The following PTPRD variants were observed in gnomAD, a reference collection of about 807,000 sequenced individuals.
PTPRD encodes the protein receptor-type tyrosine-protein phosphatase delta.
Under a neutral mutation model 214.5 loss-of-function variants are expected in PTPRD, and 34 were observed. The ratio of observed to expected loss-of-function variants is 0.16; its 90% confidence interval spans 0.12 to 0.21. The LOEUF is 0.21. Ranked by LOEUF, PTPRD falls within the 10% of genes least tolerant of loss-of-function variation. The pLI, the probability that PTPRD is intolerant of heterozygous loss-of-function variation, is 1.00. For missense variants in PTPRD, 2,545 were observed against 2,398.7 expected, an observed-to-expected ratio of 1.06 and a Z score of -1.27; for synonymous variants, 1,128 against 845.7, an observed-to-expected ratio of 1.33 and a Z score of -5.79.
At chr9:9,340,819 A>G (rs2046495630) in intron 9 of PTPRD, among the ~76,000 whole-genome samples, 1 of 152,220 alleles carries the variant, frequency 6.6e-6, no homozygotes, top group Non-Finnish European at 1.5e-5. Context: ...ATTGACAAAT[A>G]AATGATTTTT....
chr9:9,907,353 T>C (rs911297332), intron 5 of PTPRD, among the ~76,000 whole-genome samples: 3 of 151,892 alleles, frequency 2.0e-5, no homozygotes, highest in African/African-American at 7.2e-5. Flanking sequence ...ACAGACTGGG[T>C]GGCTGAAGCA....
Position 9,645,122 on chromosome 9 carries a change from G to A in PTPRD, c.-286-70341C>T, listed in dbSNP as rs537146523. Among the ~76,000 whole-genome samples, 27 of 152,270 alleles carry A rather than the reference G, an allele frequency of 1.8e-4. No individual in the cohort carries two copies. The Middle Eastern group carries it at 0.017, about 96-fold the overall frequency. The stretch of plus-strand genomic sequence containing the variant: ...TGCCATGGGGCCAGAGCCCAAAAGC[G>A]CTCTCCCTGGCTCCTGCACCTGCTC... On this transcript the variant is annotated intron_variant, in intron 7 of 45. Transcript: ENST00000381196.
intron 44 of PTPRD, among the ~76,000 whole-genome samples, chr9:8,326,657 T>C (rs561684850): frequency 5.3e-5 from 8 of 151,296 alleles, no homozygotes; most frequent in African/African-American, 2.0e-4. Flanking sequence ...CCAATTCCTC[T>C]TTGTACCTCT....
In PTPRD at chr9:8,486,334, C is replaced by T. The variant is rs536936783; in HGVS notation, c.2483G>A (p.Arg828Gln). The T allele has an allele frequency of 1.4e-5, 22 of 1,613,846 alleles. No homozygotes were observed. Among genetic ancestry groups the T allele is most frequent in the South Asian group, 3.3e-5 (3 of 91,074 alleles). ...CATCTGAGTGTGGTTAATCACAAGC[C>T]GAGGTTTCCCTGGAACTGGAGCACA... ...STTGAVPGKPRLVINHTQMNT... is the reference protein window; with the variant it reads ...STTGAVPGKPQLVINHTQMNT... The change falls in exon 28 of 46, where the codon CGG becomes CAG. Residue 828 changes from arginine (R) to glutamine (Q), a missense_variant. By Grantham distance (43) the Arg-to-Gln change is conservative. Coordinates refer to ENST00000381196, the MANE Select transcript of PTPRD (RefSeq NM_002839.4).
chr9:8,972,051 G>A (rs1033209448), intron 11 of PTPRD, among the ~76,000 whole-genome samples: 1 of 151,588 alleles, frequency 6.6e-6, no homozygotes, highest in African/African-American at 2.4e-5. Flanking sequence ...TAGTTCAGAG[G>A]GAAAAAGATA....
chr9:9,913,631 G>T (rs998043841), intron 5 of PTPRD, among the ~76,000 whole-genome samples: 3 of 152,160 alleles, frequency 2.0e-5, no homozygotes, highest in Non-Finnish European at 2.9e-5. Flanking sequence ...CTAATTTGCT[G>T]AGTCAGGAGG....
intron 2 of PTPRD, among the ~76,000 whole-genome samples, chr9:10,564,889 C>T (rs933603002): frequency 6.6e-6 from 1 of 152,056 alleles, no homozygotes; most frequent in Non-Finnish European, 1.5e-5. Flanking sequence ...ACATGCTATT[C>T]AGTTAATTAA....
intron 4 of PTPRD, among the ~76,000 whole-genome samples, chr9:9,978,440 T>C (rs1319782063): frequency 6.6e-6 from 1 of 152,052 alleles, no homozygotes; most frequent in African/African-American, 2.4e-5. Context: ...ACATAAGTAC[T>C]CGGACTTCAT....
Position 9,074,433 on chromosome 9 carries a change from C to G in PTPRD, c.-142-55698G>C, listed in dbSNP as rs567610200. On this transcript the variant is annotated intron_variant, in intron 10 of 45. Coordinates refer to ENST00000381196, the MANE Select transcript of PTPRD (RefSeq NM_002839.4). ...ACTAAAACAGATTTTCAACATTTAG[C>G]AGTCAGGGTTGACACTGGGATTATT... Among the ~76,000 whole-genome samples, 17 of 152,204 alleles carry G rather than the reference C, an allele frequency of 1.1e-4. No homozygotes were observed. The East Asian group carries it at 3.1e-3, about 28-fold the overall frequency.
intron 10 of PTPRD, among the ~76,000 whole-genome samples, chr9:9,120,321 T>C (rs2099816408): frequency 1.3e-5 from 2 of 152,202 alleles, no homozygotes; most frequent in Non-Finnish European, 2.9e-5. Context: ...GCTGAATCAG[T>C]AATTACATGG....
intron 11 of PTPRD, among the ~76,000 whole-genome samples, chr9:9,005,008 T>C (rs758247433): frequency 3.9e-5 from 6 of 152,132 alleles, no homozygotes; most frequent in Admixed American, 3.9e-4. Flanking sequence ...ATAGCATCAT[T>C]TGCTGGAACC....
At chr9:9,400,724 T>A (rs2070028690) in intron 8 of PTPRD, among the ~76,000 whole-genome samples, 1 of 152,070 alleles carries the variant, frequency 6.6e-6, no homozygotes, top group Non-Finnish European at 1.5e-5. Context: ...TTGGAGCTTT[T>A]GCTTTGACTC....
chr9:9,773,238 T>C (rs2098768012), intron 5 of PTPRD, among the ~76,000 whole-genome samples: 2 of 152,288 alleles, frequency 1.3e-5, no homozygotes, highest in Admixed American at 1.3e-4. Flanking sequence ...ATAGTTTCTT[T>C]TTATAAATCA....
chr9:9,505,488 A>G (rs1342879108), intron 8 of PTPRD, among the ~76,000 whole-genome samples: 1 of 151,542 alleles, frequency 6.6e-6, no homozygotes, highest in Non-Finnish European at 1.5e-5. Flanking sequence ...AATAAATTTG[A>G]TGCCAGATTT....
chr9:10,267,287 T>C (rs567828603), intron 3 of PTPRD, among the ~76,000 whole-genome samples: 69 of 151,148 alleles, frequency 4.6e-4, no homozygotes, highest in African/African-American at 1.6e-3. Context: ...ATGATGTAAA[T>C]AAAAAATAGA....
intron 4 of PTPRD, among the ~76,000 whole-genome samples, chr9:9,946,870 T>C (rs957215737): frequency 1.3e-5 from 2 of 152,060 alleles, no homozygotes; most frequent in Admixed American, 1.3e-4. Flanking sequence ...TTAATTGAAG[T>C]GCAATATTAT....
At chr9:9,302,574 C>T (rs1389973150) in intron 9 of PTPRD, among the ~76,000 whole-genome samples, 1 of 149,282 alleles carries the variant, frequency 6.7e-6, no homozygotes, top group African/African-American at 2.5e-5. Flanking sequence ...TAATATTGAC[C>T]ACATCATGTT....
chr9:9,920,355 C>T (rs1462636778), intron 5 of PTPRD, among the ~76,000 whole-genome samples: 1 of 152,054 alleles, frequency 6.6e-6, no homozygotes, highest in African/African-American at 2.4e-5. Context: ...GGTAATTGAT[C>T]CTCTACTTCA....
At chr9:10,496,362 C>T (rs1298275727) in intron 2 of PTPRD, among the ~76,000 whole-genome samples, 1 of 151,890 alleles carries the variant, frequency 6.6e-6, no homozygotes, top group East Asian at 1.9e-4. Context: ...ATAAGCCCTA[C>T]TTTATATAAT....
Sources: gnomAD v4.1 joint callset for allele counts (sites outside exome capture counted in the v4.1 genomes callset) on GRCh38, gnomAD v4.1.1 for gene constraint, MANE v1.5 for transcripts, NCBI Gene and HGNC (gene_info 2026-07-23, HGNC 2026-07-21) for gene names.